Variants in ATP13A5 observed in about 807,000 individuals in gnomAD.
ATP13A5 encodes ATPase 13A5.
Under a neutral mutation model 150.2 loss-of-function variants are expected in ATP13A5, and 149 were observed. The observed-to-expected ratio is 0.99, with a 90% confidence interval of 0.87 to 1.14. The LOEUF is 1.14. Among genes scored for constraint, ATP13A5 ranks in the 50% most tolerant of loss-of-function variants. The pLI, the probability that ATP13A5 is intolerant of heterozygous loss-of-function variation, is 0.00. For synonymous variants in ATP13A5, 497 were observed against 522.2 expected (o/e 0.95, Z 0.66); for missense variants, 1,383 against 1,449.3 (o/e 0.95, Z 0.74).
intron 14 of ATP13A5, among the ~76,000 whole-genome samples, 163 bp from the exon 15 acceptor site, chr3:193,322,737 C>T (rs1000307646): frequency 2.6e-5 from 4 of 152,136 alleles, no homozygotes; most frequent in African/African-American, 4.8e-5. Flanking sequence ...TCTGTTGTAT[C>T]GATTTATATT....
At chr3:193,342,904 T>C (rs530344858) in intron 9 of ATP13A5, among the ~76,000 whole-genome samples, 43 of 152,182 alleles carry the variant, frequency 2.8e-4, no homozygotes, top group Non-Finnish European at 4.4e-4. Context: ...TATGGCAACA[T>C]TCTGGGTAAA....
chr3:193,363,419 G>A (rs1242832677), intron 2 of ATP13A5, 37 bp from the exon 3 acceptor site: 2 of 1,588,452 alleles, frequency 1.3e-6, no homozygotes, highest in Admixed American at 1.7e-5. Flanking sequence ...ATTCTCAAGT[G>A]TTATTCAGTA....
chr3:193,375,175 G>A (rs1713594680), intron 1 of ATP13A5, among the ~76,000 whole-genome samples: 1 of 152,178 alleles, frequency 6.6e-6, no homozygotes, highest in African/African-American at 2.4e-5. Context: ...GATAGGGAAG[G>A]AGAACAGGGA....
chr3:193,308,823 T>G (rs959672366), intron 21 of ATP13A5, among the ~76,000 whole-genome samples: 1 of 152,190 alleles, frequency 6.6e-6, no homozygotes, highest in Non-Finnish European at 1.5e-5. Flanking sequence ...GCATTTTAGT[T>G]GGCAAAATTT....
intron 9 of ATP13A5, among the ~76,000 whole-genome samples, chr3:193,339,786 AT>A (rs569218103): frequency 1.6e-4 from 25 of 152,124 alleles, no homozygotes; most frequent in Admixed American, 3.3e-4. Context: ...CTTAGAGATC[AT>A]TTCCTTTTTT....
At position 193,364,747 on chromosome 3, in the gene ATP13A5, T is replaced by C. The variant is rs181219669; in HGVS notation, c.64-467A>G. On this transcript the variant is annotated intron_variant, in intron 1 of 29. Transcript: ENST00000342358. ...TACATCTAGCTTTATCCATTCAGCTTTGTCTTATAATAACATGATTGAGGA... is the reference window on the plus strand; with the variant it reads ...TACATCTAGCTTTATCCATTCAGCTCTGTCTTATAATAACATGATTGAGGA... 2.6e-5 allele frequency among the ~76,000 whole-genome samples: 4 copies of C among 152,284 alleles called. No individual in the cohort carries two copies. The East Asian group carries it at 5.8e-4, about 22-fold the overall frequency.
chr3:193,278,023 T>TG (rs895727158), intron 28 of ATP13A5, among the ~76,000 whole-genome samples: 8 of 152,226 alleles, frequency 5.3e-5, no homozygotes, highest in African/African-American at 1.9e-4. Context: ...AGGCTGGTCT[T>TG]GAACTCCTGA....
Position 193,300,694 on chromosome 3 carries a change from G to A in ATP13A5, c.2775+517C>T, listed in dbSNP as rs562311484. Among the ~76,000 whole-genome samples, 211 of 152,168 alleles carry A rather than the reference G, an allele frequency of 1.4e-3. 2 individuals are homozygous for A. Among genetic ancestry groups the A allele is most frequent in the African/African-American group, 5.0e-3 (207 of 41,546 alleles). On this transcript the variant is annotated intron_variant, in intron 24 of 29. Coordinates refer to ENST00000342358, the MANE Select transcript of ATP13A5 (RefSeq NM_198505.4). ...GGCTATTTTCATCATTTAATTTTGA[G>A]TCTTTTTTAGTTTCAAAGAATTTCC...
chr3:193,344,890 T>A (rs1283649052), intron 8 of ATP13A5, 113 bp downstream of exon 8: 2 of 1,093,282 alleles, frequency 1.8e-6, no homozygotes. Context: ...CTCGTCCCAG[T>A]TCTGGGTTCA....
chr3:193,345,163 G>A, intron 7 of ATP13A5, 88 bp from the exon 8 acceptor site: 2 of 1,262,568 alleles, frequency 1.6e-6, no homozygotes, highest in East Asian at 2.3e-5. Context: ...CAGGCCAGCT[G>A]TCACAGCTAA....
chr3:193,319,897 G>A (rs186298416), intron 16 of ATP13A5, among the ~76,000 whole-genome samples: 3 of 152,342 alleles, frequency 2.0e-5, no homozygotes, highest in Admixed American at 6.5e-5. Flanking sequence ...TAAGGCTTCA[G>A]TGACAGTGTT....
intron 25 of ATP13A5, among the ~76,000 whole-genome samples, chr3:193,297,914 T>TG (rs1184271437): frequency 6.6e-6 from 1 of 152,150 alleles, no homozygotes; most frequent in Non-Finnish European, 1.5e-5. Context: ...CTAATGACAC[T>TG]GGTCTATCTG....
chr3:193,321,603 C>T (rs1719279894), intron 16 of ATP13A5, 78 bp downstream of exon 16: 3 of 1,520,176 alleles, frequency 2.0e-6, no homozygotes, highest in African/African-American at 1.4e-5. Flanking sequence ...TGCACTCCAG[C>T]CTTGGGGACA....
In ATP13A5 at chr3:193,344,027, C is replaced by G. The variant is rs764478997; in HGVS notation, c.843G>C (p.Leu281Phe). 1 of 1,613,234 alleles carries G rather than the reference C, an allele frequency of 6.2e-7. No homozygotes were observed. The highest frequency in any genetic ancestry group is 1.1e-5 in the South Asian group (1 of 91,038). The change falls in exon 9 of 30, where the codon TTG becomes TTC. Residue 281 changes from leucine (L) to phenylalanine (F), a missense_variant. Physicochemically the swap from Leu to Phe is conservative, Grantham distance 22. Around this residue, in one of 3 missense-constraint regions of ATP13A5, gnomAD observed 787 missense variants for 771.9 expected, o/e 1.02. Coordinates refer to ENST00000342358, the MANE Select transcript of ATP13A5 (RefSeq NM_198505.4). The part of the protein sequence containing the change: ...KGLEELESRL[L>F]VPGDILILPG... ...GAAGAATAAGAATGTCTCCGGGAAC[C>G]AAGAGACGGGATTCCAGCTCCTCCA... is the stretch of plus-strand genomic sequence containing the variant.
rs1712006625 is a variant in ATP13A5 at position 193,338,967 on chromosome 3, G to A, written c.944-3868C>T. On this transcript the variant is annotated intron_variant, in intron 9 of 29. Coordinates refer to ENST00000342358, the MANE Select transcript of ATP13A5 (RefSeq NM_198505.4). The stretch of plus-strand genomic sequence containing the variant: ...TTCTTCCTGGTTTAGTCTTGGGAGG[G>A]TGTATATGTCGAGGAATTTATCAAT... Among the ~76,000 whole-genome samples the A allele has an allele frequency of 4.6e-5, 7 of 152,150 alleles. No homozygotes were observed. The South Asian group carries it at 1.4e-3, about 32-fold the overall frequency.
chr3:193,297,755 T>C (rs1174706901), intron 25 of ATP13A5, among the ~76,000 whole-genome samples: 1 of 152,088 alleles, frequency 6.6e-6, no homozygotes, highest in African/African-American at 2.4e-5. Flanking sequence ...CAACAGGCTA[T>C]TGCTGTGGGA....
chr3:193,291,915 T>A (rs1717969390), intron 25 of ATP13A5, among the ~76,000 whole-genome samples: 1 of 152,104 alleles, frequency 6.6e-6, no homozygotes, highest in African/African-American at 2.4e-5. Flanking sequence ...AAAACTGCAA[T>A]CATAAGTATA....
intron 6 of ATP13A5, among the ~76,000 whole-genome samples, chr3:193,352,197 C>A (rs917260074): frequency 2.0e-5 from 3 of 152,128 alleles, no homozygotes; most frequent in Non-Finnish European, 2.9e-5. Flanking sequence ...TAAGTTAGTA[C>A]GTTGTATCTT....
At chr3:193,276,932 C>T in intron 28 of ATP13A5, 102 bp from the exon 29 acceptor site, 1 of 863,984 alleles carries the variant, frequency 1.2e-6, no homozygotes. Context: ...ACTCTCTGAG[C>T]TTAGTGGTGG....
Sources: allele counts gnomAD v4.1 joint callset (sites outside exome capture counted in the v4.1 genomes callset), GRCh38; gene constraint gnomAD v4.1.1; regional missense constraint gnomAD v4.1.1; transcripts MANE v1.5; gene names NCBI Gene and HGNC (gene_info 2026-07-23, HGNC 2026-07-21).